The following CADM2 variants were observed in gnomAD, a reference collection of about 807,000 sequenced individuals.
The protein encoded by CADM2 is cell adhesion molecule 2, also known as immunoglobulin superfamily member 4D.
A neutral mutation model predicts 49.8 loss-of-function variants in CADM2; 12 were observed. The observed-to-expected ratio is 0.24, with a 90% CI of 0.15 to 0.39. The LOEUF (loss-of-function observed/expected upper bound fraction) is 0.39. CADM2 is among the 10% of genes least tolerant of loss of function. The probability of loss-of-function intolerance (pLI) is 1.00; values close to 1 mark genes in which losing one functional copy is unlikely to be tolerated. For missense variants in CADM2, 378 were observed against 492.3 expected (o/e 0.77, Z 2.20); for synonymous variants, 214 against 175.4 (o/e 1.22, Z -1.74).
intron 1 of CADM2, among the ~76,000 whole-genome samples, chr3:85,649,773 G>A (rs977526085): frequency 6.6e-6 from 1 of 152,104 alleles, no homozygotes; most frequent in Non-Finnish European, 1.5e-5. Context: ...CTCATGGTTT[G>A]AATCTTGATT....
At chr3:85,939,569 T>G (rs542303031) in intron 7 of CADM2, among the ~76,000 whole-genome samples, 10 of 151,692 alleles carry the variant, frequency 6.6e-5, no homozygotes, top group African/African-American at 2.4e-4. Flanking sequence ...CCCAACACGC[T>G]GTAAATAATG....
intron 1 of CADM2, among the ~76,000 whole-genome samples, chr3:85,541,713 TTATA>T (rs1226813459): frequency 1.5e-4 from 6 of 41,008 alleles, no homozygotes; most frequent in Non-Finnish European, 3.8e-4. Flanking sequence ...TATATATATT[TTATA>T]TTATATATAT....
At chr3:85,493,650 G>T (rs891276562) in intron 1 of CADM2, among the ~76,000 whole-genome samples, 2 of 151,932 alleles carry the variant, frequency 1.3e-5, no homozygotes, top group Non-Finnish European at 2.9e-5. Context: ...GTCAATTTGG[G>T]GCTTGCTACT....
At chr3:86,012,530 G>A (rs544009331) in intron 8 of CADM2, 2 of 1,387,698 alleles carry the variant, frequency 1.4e-6, no homozygotes, top group Admixed American at 2.3e-5. Flanking sequence ...GCCGGGAGCG[G>A]AGGGCTGGGC....
chr3:85,389,033 G>A (rs1047241141), intron 1 of CADM2, among the ~76,000 whole-genome samples: 1 of 152,106 alleles, frequency 6.6e-6, no homozygotes, highest in Non-Finnish European at 1.5e-5. Flanking sequence ...CCAGGACATT[G>A]TGGGTATCTT....
intron 1 of CADM2, among the ~76,000 whole-genome samples, chr3:85,631,479 A>G (rs1207801956): frequency 1.3e-5 from 2 of 152,092 alleles, no homozygotes; most frequent in African/African-American, 2.4e-5. Flanking sequence ...TGAAAACAGA[A>G]AATCTAGGCT....
intron 1 of CADM2, among the ~76,000 whole-genome samples, chr3:85,554,767 C>T (rs1227178098): frequency 1.3e-5 from 2 of 151,824 alleles, no homozygotes; most frequent in Non-Finnish European, 2.9e-5. Context: ...GTGATCAGCT[C>T]ACTGTAACCT....
chr3:85,348,795 G>T (rs1248161884), intron 1 of CADM2, among the ~76,000 whole-genome samples: 3 of 151,918 alleles, frequency 2.0e-5, no homozygotes, highest in African/African-American at 4.8e-5. Flanking sequence ...TTCATGAGAA[G>T]CTCTTAACCC....
At chr3:85,043,078 A>T (rs953456189) in intron 1 of CADM2, among the ~76,000 whole-genome samples, 1 of 151,992 alleles carries the variant, frequency 6.6e-6, no homozygotes, top group African/African-American at 2.4e-5. Context: ...CCCCTGGGAG[A>T]TATTGGGTGG....
intron 1 of CADM2, among the ~76,000 whole-genome samples, chr3:85,508,024 T>C (rs2040435684): frequency 6.6e-6 from 1 of 152,182 alleles, no homozygotes; most frequent in African/African-American, 2.4e-5. Flanking sequence ...ATTTCTTACA[T>C]GTCTCAACAT....
chr3:85,259,975 A>C (rs757129946), intron 1 of CADM2, among the ~76,000 whole-genome samples: 5 of 151,834 alleles, frequency 3.3e-5, no homozygotes, highest in Non-Finnish European at 7.4e-5. Context: ...TCTTAAAGCC[A>C]CTCGAGTACT....
intron 1 of CADM2, among the ~76,000 whole-genome samples, chr3:85,417,401 C>A (rs531006314): frequency 6.6e-6 from 1 of 152,128 alleles, no homozygotes; most frequent in Non-Finnish European, 1.5e-5. Flanking sequence ...CGAATCGAGG[C>A]CCAACACCAG....
chr3:85,170,249 T>G (rs1283410943), intron 1 of CADM2, among the ~76,000 whole-genome samples: 4 of 152,144 alleles, frequency 2.6e-5, no homozygotes, highest in Non-Finnish European at 5.9e-5. Flanking sequence ...GCCTTTAGAG[T>G]AAGTTGAGCC....
intron 1 of CADM2, among the ~76,000 whole-genome samples, chr3:85,687,179 T>A (rs1002348130): frequency 6.6e-6 from 1 of 152,156 alleles, no homozygotes; most frequent in African/African-American, 2.4e-5. Flanking sequence ...GTCACAAAAT[T>A]TTTTTAACTG....
chr3:85,444,484 T>C (rs1332143666), intron 1 of CADM2, among the ~76,000 whole-genome samples: 1 of 151,152 alleles, frequency 6.6e-6, no homozygotes, highest in Non-Finnish European at 1.5e-5. Flanking sequence ...CCCCAAGCCT[T>C]TCAACCTTAC....
chr3:85,500,686 T>A (rs536526889), intron 1 of CADM2, among the ~76,000 whole-genome samples: 2 of 152,034 alleles, frequency 1.3e-5, no homozygotes, highest in South Asian at 4.2e-4. Context: ...CCTGGCTGAT[T>A]TTTTGTATTT....
At chr3:85,770,564 C>T (rs1302763940) in intron 2 of CADM2, among the ~76,000 whole-genome samples, 2 of 152,058 alleles carry the variant, frequency 1.3e-5, no homozygotes. Context: ...AGTGATCCTC[C>T]CATCTCTGCC....
chr3:85,878,905 G>A (rs963683719), intron 3 of CADM2, among the ~76,000 whole-genome samples: 2 of 152,042 alleles, frequency 1.3e-5, no homozygotes, highest in African/African-American at 4.8e-5. Flanking sequence ...TTGAGCACAG[G>A]AGGTGGGTAA....
intron 1 of CADM2, among the ~76,000 whole-genome samples, chr3:85,051,575 T>A (rs1370861865): frequency 6.6e-6 from 1 of 152,130 alleles, no homozygotes; most frequent in African/African-American, 2.4e-5. Flanking sequence ...TTAAGAAGAC[T>A]ACTAATGGTG....
Sources: allele counts gnomAD v4.1 joint callset (sites outside exome capture counted in the v4.1 genomes callset), GRCh38; gene constraint gnomAD v4.1.1; transcripts MANE v1.5; gene names NCBI Gene and HGNC (gene_info 2026-07-23, HGNC 2026-07-21).